Variants in RXRA observed in about 807,000 individuals in gnomAD.
RXRA encodes the protein retinoic acid receptor RXR-alpha.
RXRA carries 5 observed loss-of-function variants against 44.5 expected under a neutral mutation model. That is an observed-to-expected ratio of 0.11 (90% confidence interval 0.06 to 0.24). RXRA has a LOEUF of 0.24. Ranked by LOEUF, RXRA falls within the 10% of genes least tolerant of loss-of-function variation. RXRA has a pLI of 1.00. For synonymous variants in RXRA, 291 were observed against 271.4 expected (o/e 1.07, Z -0.71); for missense variants, 412 against 646.5 (o/e 0.64, Z 3.93).
intron 1 of RXRA, among the ~76,000 whole-genome samples, chr9:134,386,526 G>A (rs1219768042): frequency 6.6e-6 from 1 of 152,226 alleles, no homozygotes; most frequent in African/African-American, 2.4e-5. Flanking sequence ...GGGAGAGGCT[G>A]GGGAGGTATG....
chr9:134,373,322 G>A (rs979492043), intron 1 of RXRA, among the ~76,000 whole-genome samples: 6 of 152,046 alleles, frequency 3.9e-5, no homozygotes, highest in African/African-American at 7.2e-5. Flanking sequence ...GGCACCTGCC[G>A]TCTGCCAGGA....
intron 1 of RXRA, among the ~76,000 whole-genome samples, chr9:134,381,739 T>G (rs2119102727): frequency 6.6e-6 from 1 of 152,234 alleles, no homozygotes; most frequent in East Asian, 1.9e-4. Context: ...GCCTATTTTC[T>G]TCAGCGGCCC....
chr9:134,379,365 G>C, intron 1 of RXRA: 2 of 987,476 alleles, frequency 2.0e-6, no homozygotes, highest in Non-Finnish European at 2.4e-6. Context: ...GGGAGGGGAG[G>C]CTGGCTGTCC....
intron 1 of RXRA, among the ~76,000 whole-genome samples, chr9:134,334,226 C>A (rs1281075877): frequency 6.6e-6 from 1 of 152,270 alleles, no homozygotes; most frequent in Non-Finnish European, 1.5e-5. Context: ...GAGGGCAGGG[C>A]CCTTCTGAGG....
rs1455723584 is a variant in RXRA, at chr9:134,398,836, C to G, written c.29-2796C>G. 3.9e-5 allele frequency among the ~76,000 whole-genome samples: 6 copies of G among 152,248 alleles called. No homozygotes were observed. In the East Asian group the frequency reaches 1.2e-3, roughly 29 times the overall value. On this transcript the variant is annotated intron_variant, in intron 1 of 9. Transcript: ENST00000481739. ...CCTAGGGCCTCAGATCAGGCCATTCCAAGGCCCGGCTTCTGAATGCAGTGC... is the reference window on the plus strand; with the variant it reads ...CCTAGGGCCTCAGATCAGGCCATTCGAAGGCCCGGCTTCTGAATGCAGTGC...
chr9:134,335,969 G>T (rs912185665), intron 1 of RXRA, among the ~76,000 whole-genome samples: 1 of 152,162 alleles, frequency 6.6e-6, no homozygotes, highest in Admixed American at 6.5e-5. Context: ...ATGGCTTCTC[G>T]CCCTCTCCCC....
intron 8 of RXRA, 83 bp from the exon 9 acceptor site, chr9:134,434,019 C>A: frequency 9.9e-7 from 1 of 1,005,594 alleles, no homozygotes; most frequent in Non-Finnish European, 1.5e-6. Context: ...GCCTGGGAGA[C>A]CCCACACAAG....
intron 1 of RXRA, among the ~76,000 whole-genome samples, chr9:134,383,908 C>T (rs903556137): frequency 8.5e-5 from 13 of 152,126 alleles, no homozygotes; most frequent in African/African-American, 3.1e-4. Flanking sequence ...TGGCTAACAC[C>T]CAGGAGGCCA....
intron 1 of RXRA, among the ~76,000 whole-genome samples, chr9:134,377,442 C>T (rs1392035737): frequency 6.6e-6 from 1 of 152,202 alleles, no homozygotes; most frequent in East Asian, 1.9e-4. Context: ...TGGGGCTGGG[C>T]CCTCCTTAGA....
At chr9:134,351,652 G>T (rs972024895) in intron 1 of RXRA, among the ~76,000 whole-genome samples, 1 of 152,262 alleles carries the variant, frequency 6.6e-6, no homozygotes, top group African/African-American at 2.4e-5. Context: ...TATTTTTCTT[G>T]ATAATGGAGC....
chr9:134,417,063 T>C lies in RXRA; in HGVS notation c.611-95T>C. 7.4e-7 allele frequency: 1 copy of C among 1,356,714 alleles called. No homozygotes were observed. Among genetic ancestry groups the C allele is most frequent in the Middle Eastern group, 2.4e-4 (1 of 4,194 alleles). 84.0% of individuals were successfully genotyped at this position (1,356,714 alleles called of 1,614,324 possible). On this transcript the variant is annotated intron_variant, in intron 4 of 9. Coordinates refer to ENST00000481739, the MANE Select transcript of RXRA (RefSeq NM_002957.6). The surrounding 1 kb of genome is among the most constrained non-coding windows in gnomAD (Gnocchi z 6.1). ...GGGGATGCTGGTGTTGTGGGTGAGT[T>C]GGCTGGGAGCTGGCACCACCCGGCC...
chr9:134,351,373 G>A (rs567884350), intron 1 of RXRA, among the ~76,000 whole-genome samples: 2 of 152,158 alleles, frequency 1.3e-5, no homozygotes, highest in East Asian at 1.9e-4. Context: ...TGGTGGTCCC[G>A]GGCCCGGCAG....
intron 1 of RXRA, among the ~76,000 whole-genome samples, chr9:134,377,796 C>T (rs770018476): frequency 3.9e-5 from 6 of 152,224 alleles, no homozygotes; most frequent in Admixed American, 2.0e-4. Flanking sequence ...CTCTGCAGAC[C>T]AGCTTCTGTC....
intron 1 of RXRA, chr9:134,379,297 A>C (rs900040353): frequency 1.0e-6 from 1 of 986,874 alleles, no homozygotes; most frequent in African/African-American, 1.7e-5. Context: ...CCGAGGGCAC[A>C]GATGCCCTGT....
intron 5 of RXRA, among the ~76,000 whole-genome samples, chr9:134,420,648 T>TTTTCTCCTTGGCA (rs1229469978): frequency 1.3e-5 from 2 of 152,212 alleles, no homozygotes; most frequent in Non-Finnish European, 2.9e-5. Flanking sequence ...AGGGAGGCAT[T>TTTTCTCCTTGGCA]TTTCTCCTTG....
chr9:134,364,844 G>T (rs962469099), intron 1 of RXRA, among the ~76,000 whole-genome samples: 2 of 152,240 alleles, frequency 1.3e-5, no homozygotes, highest in African/African-American at 4.8e-5. Context: ...GTGGCTGGGG[G>T]AGAGGAGCCA....
Position 134,357,974 on chromosome 9 carries a change from G to A in RXRA, c.28+31315G>A, listed in dbSNP as rs116009860. On this transcript the variant is annotated intron_variant, in intron 1 of 9. Transcript: ENST00000481739. ...GAGGGCAGCATCCCGCCTGGGGCCT[G>A]GGGTGCCCCCACAGAACACGGGGAC... 6.7e-3 allele frequency among the ~76,000 whole-genome samples: 1,026 copies of A among 152,264 alleles called. 12 individuals carry two copies. The highest frequency in any genetic ancestry group is 0.024 in the African/African-American group (982 of 41,558).
Position 134,433,092 on chromosome 9 carries a change from C to G in RXRA, c.1136-1010C>G, listed in dbSNP as rs903953804. On this transcript the variant is annotated intron_variant, in intron 8 of 9. Transcript: ENST00000481739. The surrounding 1 kb of genome is among the most constrained non-coding windows in gnomAD (Gnocchi z 4.2). ...CTGGCCCTGACCTTCTGACCTTGCCCTTTGTCAGACCTGGCTCTGAGGGAC... is the reference window on the plus strand; with the variant it reads ...CTGGCCCTGACCTTCTGACCTTGCCGTTTGTCAGACCTGGCTCTGAGGGAC... Among the ~76,000 whole-genome samples, 1 of 152,120 alleles carries G rather than the reference C, an allele frequency of 6.6e-6. No homozygotes were observed. The highest frequency in any genetic ancestry group is 2.4e-5 in the African/African-American group (1 of 41,422).
intron 6 of RXRA, 42 bp downstream of exon 6, chr9:134,421,847 A>T: frequency 6.2e-7 from 1 of 1,608,154 alleles, no homozygotes; most frequent in Non-Finnish European, 8.5e-7. Context: ...TGCCATGCAG[A>T]TGGGACACGT....
Sources: allele counts gnomAD v4.1 joint callset (sites outside exome capture counted in the v4.1 genomes callset), GRCh38; gene constraint gnomAD v4.1.1; non-coding constraint Gnocchi (gnomAD v3.1); transcripts MANE v1.5; gene names NCBI Gene and HGNC (gene_info 2026-07-23, HGNC 2026-07-21).